Variants in NBPF15 observed in about 807,000 individuals in gnomAD.
NBPF15 encodes NBPF family member NBPF15.
Under a neutral mutation model 62.2 loss-of-function variants are expected in NBPF15, and 74 were observed. The observed-to-expected ratio is 1.19, with a 90% CI of 0.99 to 1.44. The LOEUF is 1.44. Among genes scored for constraint, NBPF15 ranks in the 40% most tolerant of loss-of-function variants. The pLI is 0.00. For missense variants in NBPF15, 790 were observed against 550.0 expected, an observed-to-expected ratio of 1.44 and a Z score of -4.36; for synonymous variants, 244 against 209.7, an observed-to-expected ratio of 1.16 and a Z score of -1.41.
Position 144,427,948 on chromosome 1 carries a change from C to G in NBPF15, c.1083G>C (p.Leu361Phe). 1.3e-6 allele frequency: 1 copy of G among 780,338 alleles called. No individual in the cohort carries two copies. Among genetic ancestry groups the G allele is most frequent in the South Asian group, 1.4e-5 (1 of 73,442 alleles). 48.3% of individuals were successfully genotyped at this position (780,338 alleles called of 1,614,324 possible). A position where few individuals can be genotyped will look rare whatever the true frequency, so the allele number is the denominator to read the frequency against. ...AATAACATCTATCCAGTGAGTCCTG[C>G]AAGACTTCAGGCTCTTTCTCATCCA... ...ELLDEKEPEV[L>F]QDSLDRCYST... The change falls in exon 16 of 22, where the codon TTG becomes TTC. Residue 361 changes from leucine to phenylalanine, a missense_variant. Transcript: ENST00000581897.
chr1:144,431,562 A>G (rs1361075153), intron 13 of NBPF15, among the ~76,000 whole-genome samples: 1 of 148,492 alleles, frequency 6.7e-6, no homozygotes, highest in Non-Finnish European at 1.5e-5. Flanking sequence ...TTACATATGT[A>G]TACATGTCCA....
At chr1:144,428,216 G>T (rs1422361266) in intron 15 of NBPF15, among the ~76,000 whole-genome samples, 172 of 140,566 alleles carry the variant, frequency 1.2e-3, no homozygotes, top group African/African-American at 4.1e-3. Flanking sequence ...CACACACAGA[G>T]CGAGCTCAGT....
chr1:144,445,526 G>C (rs1176738723), intron 6 of NBPF15, among the ~76,000 whole-genome samples: 1 of 147,624 alleles, frequency 6.8e-6, no homozygotes, highest in African/African-American at 2.5e-5. Flanking sequence ...GATTTTCATA[G>C]CTGTAGAGTA....
chr1:144,442,094 G>A (rs1430733991), intron 6 of NBPF15, among the ~76,000 whole-genome samples: 5 of 110,808 alleles, frequency 4.5e-5, no homozygotes, highest in Admixed American at 9.5e-5. Flanking sequence ...AACAAACATG[G>A]CACACGTGTA....
chr1:144,455,830 G>C lies in NBPF15; in HGVS notation c.-432+707C>G, dbSNP rs587645713. On this transcript the variant is annotated intron_variant, in intron 4 of 21. Coordinates refer to ENST00000581897, the MANE Select transcript of NBPF15 (RefSeq NM_001385408.1). ...TAGTGACCTGAGATTTACTCGTTAT[G>C]GGGTCTCTAGCCCAGAGCAGGGCAT... Among the ~76,000 whole-genome samples the C allele has an allele frequency of 2.0e-5, 3 of 151,974 alleles. No individual in the cohort carries two copies. In the South Asian group the frequency reaches 6.3e-4, roughly 32 times the overall value.
intron 13 of NBPF15, among the ~76,000 whole-genome samples, chr1:144,432,623 G>A (rs1389068951): frequency 3.3e-5 from 5 of 151,722 alleles, no homozygotes; most frequent in African/African-American, 9.7e-5. Flanking sequence ...GATCTACCAA[G>A]CAAATGGAAA....
chr1:144,423,871 T>A lies in NBPF15; in HGVS notation c.1768A>T (p.Arg590Trp). 1 of 769,620 alleles carries A rather than the reference T, an allele frequency of 1.3e-6. No individual in the cohort carries two copies. The highest frequency in any genetic ancestry group is 2.4e-6 in the Non-Finnish European group (1 of 422,448). 47.7% of individuals were successfully genotyped at this position (769,620 alleles called of 1,614,324 possible). ...GCATCCACAATTGCTGAAAGTTACC[T>A]GGGGCATGGTGGGTTGTCATCTTCC... ...EGEDDNPPCP[R>W]LYGVLMEVEE... Residue 590 changes from arginine to tryptophan, a missense_variant and splice_region_variant, in exon 21 of 22, where the codon AGG becomes TGG. Arg to Trp is a moderately radical substitution (Grantham distance 101). Transcript: ENST00000581897.
At chr1:144,455,451 T>C (rs1249057893) in intron 4 of NBPF15, among the ~76,000 whole-genome samples, 1 of 152,058 alleles carries the variant, frequency 6.6e-6, no homozygotes. Context: ...TACAACCCCT[T>C]CTTCCTCCTC....
rs781790515 is a variant in NBPF15, at chr1:144,422,976, C to A, written c.*37G>T. The A allele has an allele frequency of 1.1e-5, 17 of 1,611,526 alleles. No homozygotes were observed. In the Admixed American group the frequency reaches 1.5e-4, roughly 14 times the overall value. On this transcript the variant is annotated 3_prime_UTR_variant, in exon 22 of 22. Transcript: ENST00000581897. ...ATCTTCTCGTGCCTATAGGTCCTGC[C>A]TGCAGGAATGACATCTCTCGGCTTA...
Position 144,451,374 on chromosome 1 carries a change from T to C in NBPF15, c.-431-504A>G, listed in dbSNP as rs1691025431. Among the ~76,000 whole-genome samples the C allele has an allele frequency of 2.0e-5, 3 of 151,330 alleles. No individual in the cohort carries two copies. The South Asian group carries it at 6.3e-4, about 32-fold the overall frequency. On this transcript the variant is annotated intron_variant, in intron 4 of 21. Transcript: ENST00000581897. ...TGCCCAGGGATGAGCAGGAGACAGATGCCTTCCTCTTATCTCAACTGCAAA... is the reference window on the plus strand; with the variant it reads ...TGCCCAGGGATGAGCAGGAGACAGACGCCTTCCTCTTATCTCAACTGCAAA...
chr1:144,429,505 G>C (rs1330764625), intron 14 of NBPF15, among the ~76,000 whole-genome samples, 195 bp downstream of exon 14: 5 of 149,386 alleles, frequency 3.3e-5, no homozygotes, highest in Admixed American at 2.7e-4. Flanking sequence ...ACTAGGAAGA[G>C]AGCAAAGCTC....
In NBPF15 at chr1:144,444,701, C is replaced by T. The variant is rs1406014475; in HGVS notation, c.-191+4074G>A. Reference sequence around the variant, plus strand: ...AGGTACATTAGCTCAGGAAAACTTTCCAATTTTGAGTTGGTCTGGTGATAA... The same window carrying T: ...AGGTACATTAGCTCAGGAAAACTTTTCAATTTTGAGTTGGTCTGGTGATAA... On this transcript the variant is annotated intron_variant, in intron 6 of 21. Transcript: ENST00000581897. Among the ~76,000 whole-genome samples, 405 of 151,904 alleles carry T rather than the reference C, an allele frequency of 2.7e-3. 3 individuals carry two copies. Among genetic ancestry groups the T allele is most frequent in the African/African-American group, 9.3e-3 (387 of 41,418 alleles).
At chr1:144,431,006 C>T (rs1330141795) in intron 13 of NBPF15, among the ~76,000 whole-genome samples, 9 of 151,532 alleles carry the variant, frequency 5.9e-5, no homozygotes, top group Non-Finnish European at 1.0e-4. Flanking sequence ...TGAAATGAAG[C>T]GAGAAGAGAA....
At chr1:144,426,577 A>G (rs1331810605) in intron 17 of NBPF15, 127 bp from the exon 18 acceptor site, 1 of 714,494 alleles carries the variant, frequency 1.4e-6, no homozygotes, top group Non-Finnish European at 2.6e-6. Flanking sequence ...TAATGAGGTA[A>G]TGAATTATTG....
Position 144,423,863 on chromosome 1 carries a change from A to C in NBPF15, c.1769+7T>G. The stretch of plus-strand genomic sequence containing the variant: ...AGAATTAAGCATCCACAATTGCTGA[A>C]AGTTACCTGGGGCATGGTGGGTTGT... On this transcript the variant is annotated splice_region_variant and intron_variant, in intron 21 of 21. Transcript: ENST00000581897. 1 of 766,802 alleles carries C rather than the reference A, an allele frequency of 1.3e-6. No individual in the cohort carries two copies. Among genetic ancestry groups the C allele is most frequent in the Non-Finnish European group, 2.4e-6 (1 of 420,196 alleles). 47.5% of individuals were successfully genotyped at this position (766,802 alleles called of 1,614,324 possible).
chr1:144,428,501 G>T (rs1205495832), intron 15 of NBPF15, 105 bp downstream of exon 15: 1 of 830,636 alleles, frequency 1.2e-6, no homozygotes, highest in Non-Finnish European at 2.1e-6. Flanking sequence ...ATTCAGACTT[G>T]TCTGACAAGA....
At position 144,440,162 on chromosome 1, in the gene NBPF15, TC is replaced by T; in HGVS notation, c.-58del. On this transcript the variant is annotated 5_prime_UTR_variant, in exon 7 of 22. Coordinates refer to ENST00000581897, the MANE Select transcript of NBPF15 (RefSeq NM_001385408.1). ...TTACTGTTGTCAAAAATGTGATCACTCCCCACAGCACTTTAGGATCCTTCAC... is the reference window on the plus strand; with the variant it reads ...TTACTGTTGTCAAAAATGTGATCACTCCCACAGCACTTTAGGATCCTTCAC... The T allele has an allele frequency of 6.4e-7, 1 of 1,565,464 alleles. No individual in the cohort carries two copies. Among genetic ancestry groups the T allele is most frequent in the East Asian group, 2.2e-5 (1 of 44,528 alleles).
In NBPF15 at chr1:144,434,976, A is replaced by C. The variant is rs1193953672; in HGVS notation, c.772+135T>G. Reference sequence around the variant, plus strand: ...CATGACATTAGCTGAGAAGGACAAAAAAACTCCCTGATATCTGTTTAGAAA... The same window carrying C: ...CATGACATTAGCTGAGAAGGACAAACAAACTCCCTGATATCTGTTTAGAAA... On this transcript the variant is annotated intron_variant, in intron 12 of 21. Coordinates refer to ENST00000581897, the MANE Select transcript of NBPF15 (RefSeq NM_001385408.1). The C allele has an allele frequency of 3.7e-5, 57 of 1,530,506 alleles. 2 individuals carry two copies. Among genetic ancestry groups the C allele is most frequent in the African/African-American group, 1.9e-4 (14 of 72,690 alleles). 94.8% of individuals were successfully genotyped at this position (1,530,506 alleles called of 1,614,324 possible). A position where few individuals can be genotyped will look rare whatever the true frequency, so the allele number is the denominator to read the frequency against.
Position 144,424,354 on chromosome 1 carries a change from A to G in NBPF15, c.1663+336T>C, listed in dbSNP as rs1407075079. On this transcript the variant is annotated intron_variant, in intron 20 of 21. Transcript: ENST00000581897. ...GATTGTTCATGGTTGTGAGGACTTT[A>G]GACACTGAAATTAGAGTGAAAAAGG... Among the ~76,000 whole-genome samples, 28 of 151,724 alleles carry G rather than the reference A, an allele frequency of 1.8e-4. 1 individual carries two copies. The highest frequency in any genetic ancestry group is 6.5e-4 in the African/African-American group (27 of 41,476).
Sources: allele counts gnomAD v4.1 joint callset (sites outside exome capture counted in the v4.1 genomes callset), GRCh38; gene constraint gnomAD v4.1.1; transcripts MANE v1.5; gene names NCBI Gene and HGNC (gene_info 2026-07-23, HGNC 2026-07-21).